Variants in RXFP2 observed in about 807,000 individuals in gnomAD.
The protein encoded by RXFP2 is relaxin receptor 2.
RXFP2 carries 68 observed loss-of-function variants against 88.6 expected under a neutral mutation model. The observed-to-expected ratio is 0.77, with a 90% CI of 0.63 to 0.94. The LOEUF is 0.94. Ranked by LOEUF, RXFP2 falls within the 40% of genes least tolerant of loss-of-function variation. The pLI, the probability that RXFP2 is intolerant of heterozygous loss-of-function variation, is 0.00. For synonymous variants in RXFP2, 329 were observed against 306.8 expected (o/e 1.07, Z -0.76); for missense variants, 791 against 893.9 (o/e 0.88, Z 1.47).
chr13:31,797,177 T>G, intron 16 of RXFP2, 24 bp from the exon 17 acceptor site: 1 of 1,517,902 alleles, frequency 6.6e-7, no homozygotes. Flanking sequence ...GCCTGAGATG[T>G]TAAAAGTGTG....
At chr13:31,739,758 T>A in intron 1 of RXFP2, 52 bp downstream of exon 1, 1 of 1,147,334 alleles carries the variant, frequency 8.7e-7, no homozygotes, top group Non-Finnish European at 1.3e-6. Flanking sequence ...AAAAAATACA[T>A]TTCTATGTAG....
At chr13:31,777,598 A>G in intron 8 of RXFP2, 151 bp downstream of exon 8, 1 of 643,948 alleles carries the variant, frequency 1.6e-6, no homozygotes, top group South Asian at 1.8e-5. Context: ...GTTACTGTTA[A>G]TATAATACTT....
intron 16 of RXFP2, among the ~76,000 whole-genome samples, chr13:31,794,368 CCACACA>C (rs56077729): frequency 0.31 from 44,633 of 145,542 alleles, 6,862 homozygotes; most frequent in Admixed American, 0.4. Context: ...GAAACACACA[CCACACA>C]CACACACACA....
At chr13:31,788,476 T>G (rs1873653649) in intron 13 of RXFP2, among the ~76,000 whole-genome samples, 1 of 152,180 alleles carries the variant, frequency 6.6e-6, no homozygotes, top group African/African-American at 2.4e-5. Flanking sequence ...TGTCCACATT[T>G]GTAGAAGCAA....
At chr13:31,755,103 G>A (rs1871876848) in intron 1 of RXFP2, among the ~76,000 whole-genome samples, 1 of 152,150 alleles carries the variant, frequency 6.6e-6, no homozygotes, top group Non-Finnish European at 1.5e-5. Flanking sequence ...TAAATGTGAG[G>A]AAACTAAGAT....
chr13:31,772,168 C>G (rs1479323242), intron 5 of RXFP2, among the ~76,000 whole-genome samples: 1 of 152,152 alleles, frequency 6.6e-6, no homozygotes, highest in Non-Finnish European at 1.5e-5. Flanking sequence ...AATACTTTAT[C>G]ACTGCTACCA....
At chr13:31,783,466 C>T (rs1441303554) in intron 11 of RXFP2, among the ~76,000 whole-genome samples, 16 of 152,198 alleles carry the variant, frequency 1.1e-4, no homozygotes, top group Admixed American at 1.0e-3. Flanking sequence ...GAATTAATCT[C>T]TCCCCATTCT....
At position 31,753,258 on chromosome 13, in the gene RXFP2, T is replaced by C. The variant is rs181759558; in HGVS notation, c.95-5000T>C. Reference sequence around the variant, plus strand: ...TGAAAGATGATTCTCACCTGTTGTTTCCCAATAATCCAGGGAAAGTGTTGA... The same window carrying C: ...TGAAAGATGATTCTCACCTGTTGTTCCCCAATAATCCAGGGAAAGTGTTGA... On this transcript the variant is annotated intron_variant, in intron 1 of 17. Coordinates refer to ENST00000298386, the MANE Select transcript of RXFP2 (RefSeq NM_130806.5). Among the ~76,000 whole-genome samples, 816 of 152,274 alleles carry C rather than the reference T, an allele frequency of 5.4e-3. 5 individuals are homozygous for C. The highest frequency in any genetic ancestry group is 8.9e-3 in the Non-Finnish European group (606 of 68,000).
At position 31,765,978 on chromosome 13, in the gene RXFP2, C is replaced by A; in HGVS notation, c.448C>A (p.His150Asn). ...TAGGTCTCTTAAGAAAAACAAAATC[C>A]ACAGTCTTCCAGATAAAGTTTTCAT... is the stretch of plus-strand genomic sequence containing the variant. ...TLLSLKKNKIHSLPDKVFIKY... is the reference protein window; with the variant it reads ...TLLSLKKNKINSLPDKVFIKY... The change falls in exon 5 of 18, where the codon CAC becomes AAC. Residue 150 changes from histidine to asparagine, a missense_variant. His to Asn is a moderately conservative substitution (Grantham distance 68). Coordinates refer to ENST00000298386, the MANE Select transcript of RXFP2 (RefSeq NM_130806.5). The A allele has an allele frequency of 1.3e-6, 2 of 1,543,668 alleles. No individual in the cohort carries two copies. The highest frequency in any genetic ancestry group is 1.8e-6 in the Non-Finnish European group (2 of 1,118,760).
intron 6 of RXFP2, 130 bp downstream of exon 6, chr13:31,774,821 T>G (rs541517949): frequency 1.4e-6 from 1 of 694,322 alleles, no homozygotes; most frequent in Non-Finnish European, 2.6e-6. Flanking sequence ...AGTACTTAGA[T>G]TAGTTATTAC....
chr13:31,749,886 C>T (rs1871588928), intron 1 of RXFP2, among the ~76,000 whole-genome samples: 1 of 152,070 alleles, frequency 6.6e-6, no homozygotes, highest in Admixed American at 6.6e-5. Flanking sequence ...TTAGCTAAGC[C>T]CTCCAGTACA....
chr13:31,793,938 TCC>T (rs1873910207), intron 16 of RXFP2, among the ~76,000 whole-genome samples: 1 of 152,192 alleles, frequency 6.6e-6, no homozygotes, highest in South Asian at 2.1e-4. Flanking sequence ...TATTACCTTA[TCC>T]CTTACTGGTC....
At chr13:31,798,222 C>T (rs377753714) in intron 17 of RXFP2, among the ~76,000 whole-genome samples, 46 of 152,320 alleles carry the variant, frequency 3.0e-4, no homozygotes, top group African/African-American at 1.0e-3. Context: ...AGACGATAAA[C>T]AGCTGTAACA....
intron 7 of RXFP2, 44 bp downstream of exon 7, chr13:31,775,433 T>C: frequency 7.4e-7 from 1 of 1,350,366 alleles, no homozygotes; most frequent in South Asian, 1.2e-5. Flanking sequence ...GATCATAGTC[T>C]TGATGATATA....
chr13:31,777,274 G>A, intron 7 of RXFP2, 102 bp from the exon 8 acceptor site: 1 of 778,662 alleles, frequency 1.3e-6, no homozygotes, highest in Non-Finnish European at 2.2e-6. Context: ...GGTGAGCCAA[G>A]TATGGAAGCA....
chr13:31,767,135 G>C (rs772596418), intron 5 of RXFP2, among the ~76,000 whole-genome samples: 3 of 152,122 alleles, frequency 2.0e-5, no homozygotes, highest in Non-Finnish European at 4.4e-5. Flanking sequence ...ACACACATTT[G>C]GTTTGAAATA....
At chr13:31,740,896 T>C (rs1367334365) in intron 1 of RXFP2, among the ~76,000 whole-genome samples, 1 of 152,078 alleles carries the variant, frequency 6.6e-6, no homozygotes, top group Admixed American at 6.5e-5. Flanking sequence ...AGGTCCTACT[T>C]CAGAAGTTCA....
chr13:31,784,523 G>C (rs1873435342), intron 11 of RXFP2, among the ~76,000 whole-genome samples: 1 of 152,054 alleles, frequency 6.6e-6, no homozygotes, highest in South Asian at 2.1e-4. Context: ...GCATTTTCTA[G>C]GTGTATGAAA....
Position 31,739,676 on chromosome 13 carries a change from C to T in RXFP2, c.64C>T (p.Leu22Phe). ...CAGATTGATTACAATGTTCTTTCTA[C>T]TTCATTTCATCGTTCTGATCAATGT... ...SLRLITMFFL[L>F]HFIVLINVKD... The change falls in exon 1 of 18, where the codon CTT becomes TTT. Residue 22 changes from leucine to phenylalanine, a missense_variant. Coordinates refer to ENST00000298386, the MANE Select transcript of RXFP2 (RefSeq NM_130806.5). 1 of 1,609,042 alleles carries T rather than the reference C, an allele frequency of 6.2e-7. No individual in the cohort carries two copies. The highest frequency in any genetic ancestry group is 8.5e-7 in the Non-Finnish European group (1 of 1,175,464).
Sources: allele counts gnomAD v4.1 joint callset (sites outside exome capture counted in the v4.1 genomes callset), GRCh38; gene constraint gnomAD v4.1.1; transcripts MANE v1.5; gene names NCBI Gene and HGNC (gene_info 2026-07-23, HGNC 2026-07-21).